Variants in CFAP77 observed in about 807,000 individuals in gnomAD.
CFAP77 encodes the protein cilia- and flagella-associated protein 77.
CFAP77 carries 25 observed loss-of-function variants against 31.1 expected under a neutral mutation model. That is an observed-to-expected ratio of 0.80 (90% CI 0.59 to 1.12). CFAP77 has a LOEUF of 1.12. CFAP77 is among the 50% of genes most tolerant of loss of function. The pLI, the probability that CFAP77 is intolerant of heterozygous loss-of-function variation, is 0.00. For synonymous variants in CFAP77, 151 were observed against 159.9 expected, an observed-to-expected ratio of 0.94 and a Z score of 0.42; for missense variants, 377 against 397.3, an observed-to-expected ratio of 0.95 and a Z score of 0.44.
rs147127318 is a variant in CFAP77 at position 132,537,620 on chromosome 9, G to C, written c.544G>C (p.Asp182His). ...CTCCAGGCCTTCCACACCCTTCTTT[G>C]ATCTGCTGCAGCACCGGTACCTGCA... ...IRARPSTPFF[D>H]LLQHRYLQLW... The change falls in exon 4 of 6, where the codon GAT (aspartate) becomes CAT (histidine). Residue 182 changes from aspartate to histidine, a missense_variant. By Grantham distance (81) the Asp-to-His change is moderately conservative (BLOSUM62 -1). Coordinates refer to ENST00000393216, the MANE Select transcript of CFAP77 (RefSeq NM_001282957.2). 17 of 1,612,764 alleles carry C rather than the reference G, an allele frequency of 1.1e-5. No individual in the cohort carries two copies. The highest frequency in any genetic ancestry group is 1.4e-5 in the Non-Finnish European group (17 of 1,179,374).
intron 1 of CFAP77, among the ~76,000 whole-genome samples, chr9:132,487,496 T>C (rs1290938247): frequency 2.0e-5 from 3 of 152,030 alleles, no homozygotes; most frequent in African/African-American, 7.2e-5. Context: ...AAAACCTCAA[T>C]ATCGAAAAAA....
At chr9:132,427,769 C>T (rs1434696422) in intron 1 of CFAP77, among the ~76,000 whole-genome samples, 1 of 152,218 alleles carries the variant, frequency 6.6e-6, no homozygotes, top group East Asian at 1.9e-4. Flanking sequence ...GACATTCTGC[C>T]TGTAAAGGTG....
At chr9:132,453,792 C>T (rs776992756) in intron 1 of CFAP77, among the ~76,000 whole-genome samples, 2 of 152,122 alleles carry the variant, frequency 1.3e-5, no homozygotes, top group African/African-American at 2.4e-5. Context: ...ATGTTTTCTC[C>T]CTTAATCAAT....
intron 3 of CFAP77, among the ~76,000 whole-genome samples, chr9:132,514,947 G>T (rs941752139): frequency 6.6e-6 from 1 of 152,278 alleles, no homozygotes; most frequent in South Asian, 2.1e-4. Context: ...CCTCCGGGGC[G>T]CCAGAGCTCA....
At chr9:132,459,500 T>C (rs1850999748) in intron 1 of CFAP77, among the ~76,000 whole-genome samples, 1 of 151,168 alleles carries the variant, frequency 6.6e-6, no homozygotes, top group South Asian at 2.1e-4. Flanking sequence ...TATGTGTGTA[T>C]ATGTATGTCT....
chr9:132,510,062 G>A (rs556328300), intron 3 of CFAP77, among the ~76,000 whole-genome samples: 63 of 152,054 alleles, frequency 4.1e-4, no homozygotes, highest in African/African-American at 4.1e-4. Flanking sequence ...CCTGACACTC[G>A]CGGCATCCCA....
At chr9:132,536,281 C>A (rs921894760) in intron 3 of CFAP77, among the ~76,000 whole-genome samples, 7 of 151,966 alleles carry the variant, frequency 4.6e-5, no homozygotes, top group African/African-American at 1.7e-4. Context: ...TGGTAGAGAC[C>A]ACAGTCTGAC....
intron 1 of CFAP77, among the ~76,000 whole-genome samples, chr9:132,494,380 G>A (rs369413898): frequency 9.1e-4 from 139 of 152,300 alleles, no homozygotes; most frequent in African/African-American, 3.2e-3. Context: ...CCAAAAATAT[G>A]TCCAGACATG....
At chr9:132,446,955 A>G (rs551698045) in intron 1 of CFAP77, among the ~76,000 whole-genome samples, 1 of 152,018 alleles carries the variant, frequency 6.6e-6, no homozygotes, top group Non-Finnish European at 1.5e-5. Context: ...GGGTCTCCCT[A>G]TGTTGCCCAG....
In CFAP77 at chr9:132,498,115, TC is replaced by T. The variant is rs1004004377; in HGVS notation, c.196-577del. The stretch of plus-strand genomic sequence containing the variant: ...AACCACCTCTGAGAGGCCAAGGAGT[TC>T]CCTAGAGTCCCAGGGAGTAAGGACA... On this transcript the variant is annotated intron_variant, in intron 1 of 5. Coordinates refer to ENST00000393216, the MANE Select transcript of CFAP77 (RefSeq NM_001282957.2). This position sits in a 1 kb window ranked among gnomAD's most constrained non-coding sequence, Gnocchi z 4.2. 2.6e-5 allele frequency among the ~76,000 whole-genome samples: 4 copies of T among 152,012 alleles called. No homozygotes were observed. Among genetic ancestry groups the T allele is most frequent in the African/African-American group, 9.7e-5 (4 of 41,384 alleles).
At chr9:132,457,530 T>A (rs937764312) in intron 1 of CFAP77, among the ~76,000 whole-genome samples, 13 of 152,220 alleles carry the variant, frequency 8.5e-5, no homozygotes, top group African/African-American at 2.9e-4. Context: ...TAAATCATTG[T>A]AATGCAGCCT....
intron 1 of CFAP77, among the ~76,000 whole-genome samples, chr9:132,477,355 G>A (rs1851366061): frequency 6.6e-6 from 1 of 150,684 alleles, no homozygotes; most frequent in African/African-American, 2.5e-5. Context: ...TACAGGCCCT[G>A]GAGACAGCGC....
intron 5 of CFAP77, among the ~76,000 whole-genome samples, chr9:132,543,491 C>G (rs1301997958): frequency 6.6e-6 from 1 of 151,952 alleles, no homozygotes; most frequent in African/African-American, 2.4e-5. Context: ...AGGAAGGAGG[C>G]TGTCCACCTG....
intron 3 of CFAP77, among the ~76,000 whole-genome samples, chr9:132,537,202 G>A (rs1029140228): frequency 5.9e-5 from 9 of 152,136 alleles, no homozygotes; most frequent in Non-Finnish European, 1.2e-4. Context: ...AAGGTCATCA[G>A]ATATCAGGGG....
At chr9:132,439,682 TA>T (rs1408836925) in intron 1 of CFAP77, among the ~76,000 whole-genome samples, 7 of 151,700 alleles carry the variant, frequency 4.6e-5, no homozygotes, top group Admixed American at 2.6e-4. Flanking sequence ...CTGTCTTTAC[TA>T]AAAAATACAA....
intron 1 of CFAP77, among the ~76,000 whole-genome samples, chr9:132,422,462 C>G (rs146900638): frequency 6.6e-6 from 1 of 152,320 alleles, no homozygotes; most frequent in South Asian, 2.1e-4. Context: ...CCCAGCCCTT[C>G]GAGCTGAGGG....
intron 1 of CFAP77, among the ~76,000 whole-genome samples, chr9:132,443,252 T>G (rs1208659594): frequency 6.6e-6 from 1 of 151,512 alleles, no homozygotes; most frequent in African/African-American, 2.4e-5. Flanking sequence ...TTTTGTTTTA[T>G]TTTTGTTTTT....
Position 132,459,420 on chromosome 9 carries a change from G to GGTGTGTGT in CFAP77, c.196-39248_196-39241dup, listed in dbSNP as rs112825234. Reference sequence around the variant, plus strand: ...CACCTAATGTGGCCTGGATGAATAGGGTGTGTGTGTGTGTGTGTGTGTGTG... The same window carrying GGTGTGTGT: ...CACCTAATGTGGCCTGGATGAATAGGGTGTGTGTGTGTGTGTGTGTGTGTGTGTGTGTG... On this transcript the variant is annotated intron_variant, in intron 1 of 5. Coordinates refer to ENST00000393216, the MANE Select transcript of CFAP77 (RefSeq NM_001282957.2). 4.8e-3 allele frequency among the ~76,000 whole-genome samples: 695 copies of GGTGTGTGT among 143,958 alleles called. 3 individuals carry two copies. The highest frequency in any genetic ancestry group is 0.014 in the African/African-American group (549 of 38,708). 94.4% of individuals were successfully genotyped at this position (143,958 alleles called of 152,430 possible). A position where few individuals can be genotyped will look rare whatever the true frequency, so the allele number is the denominator to read the frequency against.
At chr9:132,562,567 C>G (rs1331439383) in intron 5 of CFAP77, among the ~76,000 whole-genome samples, 1 of 152,088 alleles carries the variant, frequency 6.6e-6, no homozygotes, top group African/African-American at 2.4e-5. Context: ...CACATTGGTT[C>G]TGATAGACCT....
Sources: allele counts gnomAD v4.1 joint callset (sites outside exome capture counted in the v4.1 genomes callset), GRCh38; gene constraint gnomAD v4.1.1; non-coding constraint Gnocchi (gnomAD v3.1); transcripts MANE v1.5; gene names NCBI Gene and HGNC (gene_info 2026-07-23, HGNC 2026-07-21).